Variants in SYNPR observed in about 807,000 individuals in gnomAD.
The protein encoded by SYNPR is synaptoporin.
In SYNPR, 23 loss-of-function variants were observed where a neutral mutation model predicts 32.9. The ratio of observed to expected loss-of-function variants is 0.70; its 90% CI spans 0.50 to 0.99. SYNPR has a LOEUF of 0.99. SYNPR is among the 50% of genes least tolerant of loss of function. The pLI is 0.00. For missense variants in SYNPR, 318 were observed against 349.3 expected (o/e 0.91, Z 0.71); for synonymous variants, 146 against 135.9 (o/e 1.07, Z -0.52).
At chr3:63,594,939 AG>A (rs1404068557) in intron 4 of SYNPR, among the ~76,000 whole-genome samples, 1 of 152,194 alleles carries the variant, frequency 6.6e-6, no homozygotes, top group African/African-American at 2.4e-5. Flanking sequence ...CTTCCTGCAG[AG>A]AGCTCTGCCT....
At chr3:63,206,009 T>C in the SYNPR span, among the ~76,000 whole-genome samples, 1 of 152,162 alleles carries the variant, frequency 6.6e-6, no homozygotes, top group African/African-American at 2.4e-5. Flanking sequence ...TCAGAAACGA[T>C]GCTGGTTTTC....
intron 3 of SYNPR, among the ~76,000 whole-genome samples, chr3:63,524,865 G>A (rs1474181797): frequency 6.6e-6 from 1 of 150,722 alleles, no homozygotes; most frequent in Non-Finnish European, 1.5e-5. Flanking sequence ...GTGTGTGTGT[G>A]TGTGTGAGAG....
chr3:63,408,360 G>GAA (rs1315976439), intron 2 of SYNPR, among the ~76,000 whole-genome samples: 1 of 149,978 alleles, frequency 6.7e-6, no homozygotes, highest in Admixed American at 6.8e-5. Flanking sequence ...AAGAAAGAAA[G>GAA]AAAGAAAGAA....
intron 2 of SYNPR, among the ~76,000 whole-genome samples, chr3:63,468,193 TCAA>T (rs1177000714): frequency 1.7e-3 from 78 of 45,178 alleles, no homozygotes; most frequent in Middle Eastern, 0.038. Flanking sequence ...AAACTCCATC[TCAA>T]AAAAAAAAAA....
At chr3:63,462,701 T>C (rs1211785422) in intron 2 of SYNPR, among the ~76,000 whole-genome samples, 1 of 152,208 alleles carries the variant, frequency 6.6e-6, no homozygotes, top group Admixed American at 6.5e-5. Flanking sequence ...TTTGGAATGA[T>C]GATATCCTCT....
At chr3:63,384,369 C>G (rs2107073742) in intron 2 of SYNPR, among the ~76,000 whole-genome samples, 1 of 152,316 alleles carries the variant, frequency 6.6e-6, no homozygotes, top group African/African-American at 2.4e-5. Flanking sequence ...TACCTCTACA[C>G]AGAGCATCCT....
chr3:63,375,152 A>G (rs1176530587), intron 2 of SYNPR, among the ~76,000 whole-genome samples: 2 of 152,218 alleles, frequency 1.3e-5, no homozygotes, highest in East Asian at 3.8e-4. Flanking sequence ...CCATTGTGGA[A>G]GACAGTGTGG....
At chr3:63,427,363 T>A (rs1699912260) in intron 2 of SYNPR, 1 of 152,142 alleles carries the variant, frequency 6.6e-6, no homozygotes, top group East Asian at 1.9e-4. Context: ...AAAGAATAAA[T>A]AATGTATTCA....
intron 2 of SYNPR, among the ~76,000 whole-genome samples, chr3:63,297,056 T>C (rs1575589904): frequency 6.6e-6 from 1 of 152,202 alleles, no homozygotes; most frequent in Admixed American, 6.5e-5. Flanking sequence ...GGTTACAATA[T>C]TGGACAGCAA....
At chr3:63,333,912 T>A (rs17068262) in intron 2 of SYNPR, among the ~76,000 whole-genome samples, 26,094 of 152,244 alleles carry the variant, frequency 0.17, 2,492 homozygotes, top group African/African-American at 0.26. Flanking sequence ...AAAGCCGAAA[T>A]GTCTTACTAA....
Position 63,377,328 on chromosome 3 carries a change from A to T in SYNPR, c.84+98586A>T, listed in dbSNP as rs1000707194. ...CTCCAGGCTCTTGAGGCTTAAATAG[A>T]TGAAATGTACAGTTCTAGGTTTAAG... On this transcript the variant is annotated intron_variant, in intron 2 of 5. Coordinates refer to ENST00000478300, the MANE Select transcript of SYNPR (RefSeq NM_001130003.2). Among the ~76,000 whole-genome samples, 11 of 152,200 alleles carry T rather than the reference A, an allele frequency of 7.2e-5. No homozygotes were observed. The East Asian group carries it at 1.9e-3, about 27-fold the overall frequency.
At chr3:63,421,862 T>C (rs1559495058) in intron 2 of SYNPR, among the ~76,000 whole-genome samples, 1 of 152,202 alleles carries the variant, frequency 6.6e-6, no homozygotes, top group East Asian at 1.9e-4. Flanking sequence ...GGCAGTTTGG[T>C]TCTTCCAGGC....
chr3:63,603,995 G>A (rs1700081677), intron 4 of SYNPR, among the ~76,000 whole-genome samples: 1 of 152,040 alleles, frequency 6.6e-6, no homozygotes, highest in Non-Finnish European at 1.5e-5. Flanking sequence ...TTACTGATTG[G>A]CAGGCCTTTT....
chr3:63,227,505 G>T (rs950799373), upstream of SYNPR, among the ~76,000 whole-genome samples: 2 of 152,130 alleles, frequency 1.3e-5, no homozygotes, highest in African/African-American at 2.4e-5. Context: ...TCTAAAATAG[G>T]TATATTTTTC....
At chr3:63,251,259 A>G (rs1575576058) in intron 1 of SYNPR, among the ~76,000 whole-genome samples, 1 of 152,116 alleles carries the variant, frequency 6.6e-6, no homozygotes, top group South Asian at 2.1e-4. Flanking sequence ...ATGGGGACAG[A>G]TTTATTGTCC....
At chr3:63,252,760 G>A (rs1157160353) in intron 2 of SYNPR, among the ~76,000 whole-genome samples, 1 of 152,164 alleles carries the variant, frequency 6.6e-6, no homozygotes, top group Non-Finnish European at 1.5e-5. Flanking sequence ...TTCCATTCAG[G>A]CTGGGCACAG....
intron 3 of SYNPR, chr3:63,550,010 G>A (rs1023603851): frequency 8.5e-5 from 13 of 152,112 alleles, no homozygotes; most frequent in African/African-American, 3.1e-4. Flanking sequence ...TCGCCGACTA[G>A]TTCCTCACAA....
At chr3:63,343,368 T>C (rs367765442) in intron 2 of SYNPR, among the ~76,000 whole-genome samples, 2 of 152,172 alleles carry the variant, frequency 1.3e-5, no homozygotes, top group African/African-American at 2.4e-5. Context: ...GAACATATTA[T>C]GAAGATAACA....
chr3:63,335,075 C>T (rs1292807170), intron 2 of SYNPR, among the ~76,000 whole-genome samples: 2 of 152,116 alleles, frequency 1.3e-5, no homozygotes, highest in Non-Finnish European at 2.9e-5. Context: ...AAATGGCAGG[C>T]CTGGCGCCGT....
Sources: allele counts gnomAD v4.1 joint callset (sites outside exome capture counted in the v4.1 genomes callset), GRCh38; gene constraint gnomAD v4.1.1; transcripts MANE v1.5; gene names NCBI Gene and HGNC (gene_info 2026-07-23, HGNC 2026-07-21).